The following TNR variants were observed in gnomAD, a reference collection of about 807,000 sequenced individuals.
TNR encodes the protein tenascin R.
A neutral mutation model predicts 150.4 loss-of-function variants in TNR; 45 were observed. The observed-to-expected ratio is 0.30, with a 90% CI of 0.24 to 0.38. TNR has a LOEUF of 0.38. TNR is among the 10% of genes least tolerant of loss of function. TNR has a pLI of 1.00. For synonymous variants in TNR, 687 were observed against 678.4 expected, an observed-to-expected ratio of 1.01 and a Z score of -0.20; for missense variants, 1,544 against 1,759.1, an observed-to-expected ratio of 0.88 and a Z score of 2.19.
chr1:175,509,323 A>T (rs1179984531), intron 2 of TNR, among the ~76,000 whole-genome samples: 2 of 152,208 alleles, frequency 1.3e-5, no homozygotes, highest in Non-Finnish European at 2.9e-5. Context: ...TGCAGCACTG[A>T]TCCTTTTCTT....
intron 2 of TNR, among the ~76,000 whole-genome samples, chr1:175,509,595 G>A (rs1381948681): frequency 6.6e-6 from 1 of 152,046 alleles, no homozygotes; most frequent in Non-Finnish European, 1.5e-5. Flanking sequence ...CACCCCTGAT[G>A]CTTGACACTA....
intron 2 of TNR, among the ~76,000 whole-genome samples, chr1:175,482,973 T>C (rs1322770735): frequency 6.6e-6 from 1 of 152,216 alleles, no homozygotes; most frequent in Non-Finnish European, 1.5e-5. Context: ...AAAGTGTGTC[T>C]TGTATGAAAT....
Position 175,319,045 on chromosome 1 carries a change from C to G in TNR, c.*4312G>C, listed in dbSNP as rs1404770577. Reference sequence around the variant, plus strand: ...GGAAAGTGTCCCCCAACCCCATGCCCTACCTCCTTGGAAGAAAAGACATGG... The same window carrying G: ...GGAAAGTGTCCCCCAACCCCATGCCGTACCTCCTTGGAAGAAAAGACATGG... On this transcript the variant is annotated 3_prime_UTR_variant, in exon 23 of 23. Coordinates refer to ENST00000367674, the MANE Select transcript of TNR (RefSeq NM_003285.3). 6.6e-6 allele frequency: 1 copy of G among 152,196 alleles called. No homozygotes were observed. The highest frequency in any genetic ancestry group is 1.5e-5 in the Non-Finnish European group (1 of 68,052). The allele number at this position is 152,196 out of a possible 1,614,324, so 9.4% of individuals were successfully genotyped here.
chr1:175,382,036 TA>T (rs1652702648), intron 8 of TNR, among the ~76,000 whole-genome samples: 2 of 152,268 alleles, frequency 1.3e-5, no homozygotes, highest in Admixed American at 1.3e-4. Flanking sequence ...GTTAAAACGT[TA>T]CCTTTTCAGA....
intron 1 of TNR, among the ~76,000 whole-genome samples, chr1:175,644,312 C>T (rs1664748459): frequency 6.6e-6 from 1 of 152,168 alleles, no homozygotes; most frequent in Non-Finnish European, 1.5e-5. Flanking sequence ...ATCAGTGTCA[C>T]CTTCTCATAA....
At chr1:175,667,603 A>G (rs1665569256) in intron 1 of TNR, among the ~76,000 whole-genome samples, 1 of 152,234 alleles carries the variant, frequency 6.6e-6, no homozygotes, top group Admixed American at 6.5e-5. Context: ...AGAAGTACCA[A>G]GAAGGCACAC....
chr1:175,363,966 A>G, intron 12 of TNR, 139 bp from the exon 13 acceptor site: 5 of 1,053,342 alleles, frequency 4.7e-6, no homozygotes, highest in Non-Finnish European at 6.6e-6. Flanking sequence ...AGGGTATCTT[A>G]AAACCATGGT....
intron 2 of TNR, among the ~76,000 whole-genome samples, chr1:175,522,091 A>G (rs1040855080): frequency 6.6e-6 from 1 of 152,210 alleles, no homozygotes; most frequent in African/African-American, 2.4e-5. Flanking sequence ...GCTGCCTTGC[A>G]TTTCCTTTTA....
At chr1:175,596,534 A>G (rs1663014366) in intron 1 of TNR, among the ~76,000 whole-genome samples, 1 of 152,252 alleles carries the variant, frequency 6.6e-6, no homozygotes, top group Non-Finnish European at 1.5e-5. Flanking sequence ...CTGAAAATCA[A>G]TGATCTTTCT....
intron 1 of TNR, among the ~76,000 whole-genome samples, chr1:175,544,323 A>C (rs937127211): frequency 6.6e-6 from 1 of 152,236 alleles, no homozygotes; most frequent in Non-Finnish European, 1.5e-5. Context: ...AGGCAATAGC[A>C]GAGTAAGTAA....
chr1:175,559,823 T>G (rs1306809627), intron 1 of TNR, among the ~76,000 whole-genome samples: 1 of 152,176 alleles, frequency 6.6e-6, no homozygotes, highest in African/African-American at 2.4e-5. Flanking sequence ...TGCAAGAATT[T>G]TTTAGGTTAT....
At chr1:175,573,892 GA>G (rs1661988696) in intron 1 of TNR, among the ~76,000 whole-genome samples, 1 of 152,186 alleles carries the variant, frequency 6.6e-6, no homozygotes, top group Admixed American at 6.5e-5. Context: ...AGAGATGCTA[GA>G]AAAGCCCACA....
In TNR at chr1:175,324,425, T is replaced by C; in HGVS notation, c.3888A>G (p.Gly1296=). 1 of 1,614,066 alleles carries C rather than the reference T, an allele frequency of 6.2e-7. No individual in the cohort carries two copies. Among genetic ancestry groups the C allele is most frequent in the Non-Finnish European group, 8.5e-7 (1 of 1,179,982 alleles). Residue 1296 remains glycine, a synonymous_variant, in exon 22 of 23, where the codon GGA becomes GGG. Transcript: ENST00000367674. ...GGTGGCAGTTCTTATACCACCATGC[T>C]CCCTTGTACGACATGGCACAGTTAG... The part of the protein sequence containing the change: ...AVTNCAMSYK[G]AWWYKNCHRT...
chr1:175,528,582 AG>A (rs776175660), intron 1 of TNR, among the ~76,000 whole-genome samples: 2 of 152,196 alleles, frequency 1.3e-5, no homozygotes, highest in African/African-American at 2.4e-5. Context: ...TCATTCTCAT[AG>A]TTTTCAATAA....
At chr1:175,665,114 T>C (rs1283802145) in intron 1 of TNR, among the ~76,000 whole-genome samples, 1 of 152,272 alleles carries the variant, frequency 6.6e-6, no homozygotes, top group Non-Finnish European at 1.5e-5. Flanking sequence ...TTCTAAATGC[T>C]GGACATTGAT....
At chr1:175,606,683 C>G (rs140616132) in intron 1 of TNR, among the ~76,000 whole-genome samples, 3 of 152,140 alleles carry the variant, frequency 2.0e-5, no homozygotes, top group Non-Finnish European at 2.9e-5. Context: ...CAGGACCCCC[C>G]ACCCGACCCC....
chr1:175,326,487 C>A (rs1367231297), intron 21 of TNR, among the ~76,000 whole-genome samples: 1 of 152,110 alleles, frequency 6.6e-6, no homozygotes, highest in Non-Finnish European at 1.5e-5. Flanking sequence ...ACTGGGGAGG[C>A]CCTAACTCAA....
Position 175,321,480 on chromosome 1 carries a change from G to A in TNR, c.*1877C>T, listed in dbSNP as rs1025233934. 1.3e-5 allele frequency: 2 copies of A among 152,360 alleles called. No homozygotes were observed. The highest frequency in any genetic ancestry group is 2.4e-5 in the African/African-American group (1 of 41,440). 9.4% of individuals were successfully genotyped at this position (152,360 alleles called of 1,614,324 possible). A position where few individuals can be genotyped will look rare whatever the true frequency, so the allele number is the denominator to read the frequency against. Reference sequence around the variant, plus strand: ...GTTGGCAAAGGTACACACTGCTCTGGTCAGACAAACATAGGCACTACAGAA... The same window carrying A: ...GTTGGCAAAGGTACACACTGCTCTGATCAGACAAACATAGGCACTACAGAA... On this transcript the variant is annotated 3_prime_UTR_variant, in exon 23 of 23. Coordinates refer to ENST00000367674, the MANE Select transcript of TNR (RefSeq NM_003285.3).
intron 1 of TNR, among the ~76,000 whole-genome samples, chr1:175,622,440 G>A (rs1664009280): frequency 2.0e-5 from 3 of 152,184 alleles, no homozygotes; most frequent in South Asian, 2.1e-4. Flanking sequence ...ATCAAGCCCC[G>A]TGGGATGCCC....
Sources: allele counts gnomAD v4.1 joint callset (sites outside exome capture counted in the v4.1 genomes callset), GRCh38; gene constraint gnomAD v4.1.1; transcripts MANE v1.5; gene names NCBI Gene and HGNC (gene_info 2026-07-23, HGNC 2026-07-21).